The following MYOCD variants were observed in gnomAD, a reference collection of about 807,000 sequenced individuals.
The protein encoded by MYOCD is myocardin.
A neutral mutation model predicts 96.1 loss-of-function variants in MYOCD; 32 were observed. The observed-to-expected ratio is 0.33, with a 90% CI of 0.25 to 0.45. MYOCD has a LOEUF of 0.45. MYOCD is among the 20% of genes least tolerant of loss of function. MYOCD has a pLI of 1.00. For missense variants in MYOCD, 1,133 were observed against 1,200.6 expected, an observed-to-expected ratio of 0.94 and a Z score of 0.83; for synonymous variants, 469 against 469.0, an observed-to-expected ratio of 1.00 and a Z score of 0.00.
At chr17:12,754,068 G>T (rs1369446285) in intron 10 of MYOCD, among the ~76,000 whole-genome samples, 1 of 134,320 alleles carries the variant, frequency 7.4e-6, no homozygotes, top group African/African-American at 3.2e-5. Flanking sequence ...AGAGGTGTGT[G>T]TGTGTGTATG....
chr17:12,756,695 C>CAAAAAAAAAAAAAAAAAAAGAAA (rs2033024602), intron 11 of MYOCD, 138 bp downstream of exon 11: 1 of 134,326 alleles, frequency 7.4e-6, no homozygotes. Context: ...GACTGCATCT[C>CAAAAAAAAAAAAAAAAAAAGAAA]AAAAAAAAAA....
intron 1 of MYOCD, among the ~76,000 whole-genome samples, chr17:12,690,912 A>G (rs1567573675): frequency 6.6e-6 from 1 of 152,214 alleles, no homozygotes; most frequent in Non-Finnish European, 1.5e-5. Context: ...TGGGAACTAG[A>G]ATTACGTGTG....
chr17:12,752,128 G>A (rs2032869143), intron 9 of MYOCD, among the ~76,000 whole-genome samples: 2 of 152,254 alleles, frequency 1.3e-5, no homozygotes, highest in Admixed American at 6.5e-5. Flanking sequence ...TCGCCATGAG[G>A]GATGACGGGC....
rs1199159139 is a variant in MYOCD at position 12,766,288 on chromosome 17, T to C, written c.*2644T>C. ...AGAGACTAGACCTAGTTAGGAGGCCTCTGTACTTCTCCAGATTGTACCTTT... is the reference window on the plus strand; with the variant it reads ...AGAGACTAGACCTAGTTAGGAGGCCCCTGTACTTCTCCAGATTGTACCTTT... On this transcript the variant is annotated 3_prime_UTR_variant, in exon 14 of 14. Transcript: ENST00000425538. 1.3e-5 allele frequency: 2 copies of C among 152,238 alleles called. No individual in the cohort carries two copies. Among genetic ancestry groups the C allele is most frequent in the African/African-American group, 2.4e-5 (1 of 41,468 alleles). 9.4% of individuals were successfully genotyped at this position (152,238 alleles called of 1,614,324 possible).
chr17:12,724,892 A>AT (rs1179166228), intron 5 of MYOCD, among the ~76,000 whole-genome samples: 4 of 152,212 alleles, frequency 2.6e-5, no homozygotes, highest in South Asian at 2.1e-4. Flanking sequence ...ATTAGAATCA[A>AT]TTTTTTGTGT....
intron 1 of MYOCD, among the ~76,000 whole-genome samples, chr17:12,666,658 G>A (rs1483652218): frequency 6.6e-6 from 1 of 152,122 alleles, no homozygotes; most frequent in African/African-American, 2.4e-5. Context: ...TTAAAATGTA[G>A]CTAATCCAAA....
chr17:12,695,756 A>G (rs57012216), intron 1 of MYOCD, among the ~76,000 whole-genome samples: 5,487 of 152,282 alleles, frequency 0.036, 223 homozygotes, highest in Admixed American at 0.12. Flanking sequence ...TGTACAGTTC[A>G]GTGGCATTAC....
intron 7 of MYOCD, among the ~76,000 whole-genome samples, chr17:12,741,280 C>T (rs927656861): frequency 3.3e-5 from 5 of 152,114 alleles, no homozygotes; most frequent in Non-Finnish European, 5.9e-5. Context: ...CTCAACAGGT[C>T]GGAAATTATG....
intron 9 of MYOCD, among the ~76,000 whole-genome samples, chr17:12,750,690 A>G (rs1482405925): frequency 2.0e-5 from 3 of 152,134 alleles, no homozygotes; most frequent in East Asian, 1.9e-4. Context: ...CTCCGCCTCA[A>G]AAAAAAACTA....
intron 1 of MYOCD, among the ~76,000 whole-genome samples, chr17:12,679,258 T>C (rs1910301194): frequency 6.6e-6 from 1 of 152,124 alleles, no homozygotes. Context: ...GCTTCAAGAT[T>C]GAAAGAATTA....
intron 9 of MYOCD, 22 bp from the exon 10 acceptor site, chr17:12,752,392 A>G: frequency 6.3e-7 from 1 of 1,580,220 alleles, no homozygotes; most frequent in African/African-American, 1.4e-5. Context: ...ACAGCACACT[A>G]ACCACATTCT....
In MYOCD at chr17:12,765,646, T is replaced by C. The variant is rs1297750203; in HGVS notation, c.*2002T>C. Reference sequence around the variant, plus strand: ...TTCTACACCAAAAGCCTTTAACCCTTAATCTGCTGTGAATGATACCTGGCC... The same window carrying C: ...TTCTACACCAAAAGCCTTTAACCCTCAATCTGCTGTGAATGATACCTGGCC... On this transcript the variant is annotated 3_prime_UTR_variant, in exon 14 of 14. Coordinates refer to ENST00000425538, the MANE Select transcript of MYOCD (RefSeq NM_001146312.3). 3 of 152,212 alleles carry C rather than the reference T, an allele frequency of 2.0e-5. No individual in the cohort carries two copies. The highest frequency in any genetic ancestry group is 7.2e-5 in the African/African-American group (3 of 41,450). 9.4% of individuals were successfully genotyped at this position (152,212 alleles called of 1,614,324 possible). A position where few individuals can be genotyped will look rare whatever the true frequency, so the allele number is the denominator to read the frequency against.
intron 1 of MYOCD, among the ~76,000 whole-genome samples, chr17:12,677,359 G>A (rs139498928): frequency 2.4e-3 from 358 of 152,092 alleles, no homozygotes; most frequent in African/African-American, 8.1e-3. Flanking sequence ...CATGACACGC[G>A]TTTACCTGGG....
chr17:12,688,526 CTTCT>C (rs1158693805), intron 1 of MYOCD, among the ~76,000 whole-genome samples: 2 of 137,962 alleles, frequency 1.4e-5, no homozygotes, highest in Non-Finnish European at 1.5e-5. Context: ...TCCCTTCCAT[CTTCT>C]TCCTTCCTTC....
At chr17:12,691,961 T>G (rs1190046115) in intron 1 of MYOCD, among the ~76,000 whole-genome samples, 2 of 152,214 alleles carry the variant, frequency 1.3e-5, no homozygotes, top group African/African-American at 4.8e-5. Flanking sequence ...CACTTTTCAA[T>G]TCTGTTAATA....
intron 1 of MYOCD, among the ~76,000 whole-genome samples, chr17:12,690,845 CTG>C (rs1372616074): frequency 6.6e-6 from 1 of 152,172 alleles, no homozygotes; most frequent in Non-Finnish European, 1.5e-5. Context: ...AATATTGAGA[CTG>C]AGATCCAGCA....
intron 1 of MYOCD, among the ~76,000 whole-genome samples, chr17:12,694,522 C>A (rs2030641726): frequency 6.6e-6 from 1 of 152,160 alleles, no homozygotes; most frequent in African/African-American, 2.4e-5. Context: ...TCTGCCCACT[C>A]CCTTTAGAGT....
At position 12,715,719 on chromosome 17, in the gene MYOCD, C is replaced by T. The variant is rs976735418; in HGVS notation, c.177+145C>T. The T allele has an allele frequency of 1.3e-5, 7 of 548,004 alleles. No homozygotes were observed. The Admixed American group carries it at 1.3e-4, about 10-fold the overall frequency. The allele number at this position is 548,004 out of a possible 1,614,324, so 33.9% of individuals were successfully genotyped here. The stretch of plus-strand genomic sequence containing the variant: ...TGCCCTCATATCATGTGGAATCTTA[C>T]TCCTATTAACCGGTAACTATAGAAA... On this transcript the variant is annotated intron_variant, in intron 3 of 13. Coordinates refer to ENST00000425538, the MANE Select transcript of MYOCD (RefSeq NM_001146312.3).
Position 12,763,865 on chromosome 17 carries a change from TAAAA to T in MYOCD, c.*222_*225del. On this transcript the variant is annotated 3_prime_UTR_variant, in exon 14 of 14. Transcript: ENST00000425538. ...ACTGTTAATGATTTCAACAATGCAT[TAAAA>T]GAATGTGCTTTCTCAGATTAAGGAT... 1.6e-5 allele frequency: 7 copies of T among 434,444 alleles called. No homozygotes were observed. The highest frequency in any genetic ancestry group is 4.0e-5 in the Admixed American group (1 of 24,856). 26.9% of individuals were successfully genotyped at this position (434,444 alleles called of 1,614,324 possible). A position where few individuals can be genotyped will look rare whatever the true frequency, so the allele number is the denominator to read the frequency against.
Sources: allele counts gnomAD v4.1 joint callset (sites outside exome capture counted in the v4.1 genomes callset), GRCh38; gene constraint gnomAD v4.1.1; transcripts MANE v1.5; gene names NCBI Gene and HGNC (gene_info 2026-07-23, HGNC 2026-07-21).